The following TAFA1 variants were observed in gnomAD, a reference collection of about 807,000 sequenced individuals.
TAFA1 encodes TAFA chemokine like family member 1.
A neutral mutation model predicts 18.5 loss-of-function variants in TAFA1; 4 were observed. The ratio of observed to expected loss-of-function variants is 0.22; its 90% CI spans 0.11 to 0.49. The LOEUF (loss-of-function observed/expected upper bound fraction) is 0.49. Ranked by LOEUF, TAFA1 falls within the 20% of genes least tolerant of loss-of-function variation. The pLI is 0.98. For synonymous variants in TAFA1, 56 were observed against 55.2 expected (o/e 1.01, Z -0.06); for missense variants, 147 against 169.0 (o/e 0.87, Z 0.72).
intron 3 of TAFA1, among the ~76,000 whole-genome samples, chr3:68,445,729 C>A (rs1284779725): frequency 4.6e-5 from 7 of 152,138 alleles, no homozygotes; most frequent in Admixed American, 3.3e-4. Context: ...TTCAAAGTTT[C>A]TTCAGAGGTC....
chr3:68,423,236 C>A (rs1045749397), intron 3 of TAFA1, among the ~76,000 whole-genome samples: 2 of 151,992 alleles, frequency 1.3e-5, no homozygotes, highest in African/African-American at 4.8e-5. Flanking sequence ...GTGCTACTGT[C>A]CCAACTACTC....
chr3:68,348,587 T>C (rs2665523), intron 2 of TAFA1, among the ~76,000 whole-genome samples: 57,902 of 152,096 alleles, frequency 0.38, 11,289 homozygotes, highest in South Asian at 0.5. Flanking sequence ...ACATTTAAGC[T>C]GTAAGATCCA....
At chr3:67,999,435 T>C (rs1044754146), upstream of TAFA1, among the ~76,000 whole-genome samples, 3 of 152,170 alleles carry the variant, frequency 2.0e-5, no homozygotes, top group African/African-American at 7.2e-5. Context: ...TCCCCTTTCT[T>C]AGGTCTTCAT....
intron 2 of TAFA1, among the ~76,000 whole-genome samples, chr3:68,382,451 C>G (rs1222995992): frequency 1.3e-5 from 2 of 152,118 alleles, no homozygotes; most frequent in Non-Finnish European, 2.9e-5. Context: ...AGCCAGTTAT[C>G]CCAGCACTAT....
At chr3:68,142,568 A>T (rs2065680670) in intron 2 of TAFA1, among the ~76,000 whole-genome samples, 1 of 152,190 alleles carries the variant, frequency 6.6e-6, no homozygotes, top group South Asian at 2.1e-4. Context: ...CCACCCAGCC[A>T]TCTGTGGCAA....
At position 68,014,400 on chromosome 3, in the gene TAFA1, G is replaced by A. The variant is rs138606835; in HGVS notation, c.118+7656G>A. Among the ~76,000 whole-genome samples the A allele has an allele frequency of 2.4e-3, 369 of 152,280 alleles. 1 individual carries two copies. Among genetic ancestry groups the A allele is most frequent in the African/African-American group, 8.4e-3 (351 of 41,558 alleles). On this transcript the variant is annotated intron_variant, in intron 2 of 4. Transcript: ENST00000478136. Reference sequence around the variant, plus strand: ...TTACATTCTTTAAAATTCAAAAAGTGGTAGAAAAACATCACATTAAGCCTT... The same window carrying A: ...TTACATTCTTTAAAATTCAAAAAGTAGTAGAAAAACATCACATTAAGCCTT...
chr3:68,040,164 G>T (rs1705134574), intron 2 of TAFA1, among the ~76,000 whole-genome samples: 1 of 152,166 alleles, frequency 6.6e-6, no homozygotes, highest in African/African-American at 2.4e-5. Flanking sequence ...ATGATATTCA[G>T]ATTATTCTTT....
At chr3:68,424,086 A>G (rs192290560) in intron 3 of TAFA1, among the ~76,000 whole-genome samples, 1 of 152,178 alleles carries the variant, frequency 6.6e-6, no homozygotes, top group Admixed American at 6.6e-5. Context: ...AACAAATAAA[A>G]AAACCCTTTA....
chr3:68,429,430 G>A (rs755325799), intron 3 of TAFA1, among the ~76,000 whole-genome samples: 1 of 151,834 alleles, frequency 6.6e-6, no homozygotes, highest in Non-Finnish European at 1.5e-5. Flanking sequence ...ATTCCTTCCA[G>A]GACATGGTAG....
intron 2 of TAFA1, among the ~76,000 whole-genome samples, chr3:68,381,911 C>T (rs2069967548): frequency 6.6e-6 from 1 of 152,174 alleles, no homozygotes; most frequent in African/African-American, 2.4e-5. Flanking sequence ...GTGGGTTTGT[C>T]ATAGATAGCT....
At chr3:68,443,335 G>C (rs989784971) in intron 3 of TAFA1, among the ~76,000 whole-genome samples, 1 of 151,916 alleles carries the variant, frequency 6.6e-6, no homozygotes, top group Non-Finnish European at 1.5e-5. Context: ...TTCCCAAAAA[G>C]AGACAGCCCT....
Position 68,207,326 on chromosome 3 carries a change from A to C in TAFA1, c.118+200582A>C, listed in dbSNP as rs768677148. ...TGTTTTCCAGATTAAATGATATCAA[A>C]ATATCGTAGTTAATTGGTGCTATTT... On this transcript the variant is annotated intron_variant, in intron 2 of 4. Transcript: ENST00000478136. Among the ~76,000 whole-genome samples, 60 of 152,108 alleles carry C rather than the reference A, an allele frequency of 3.9e-4. 1 individual carries two copies. The highest frequency in any genetic ancestry group is 3.8e-3 in the Admixed American group (58 of 15,258).
chr3:68,082,022 G>A (rs2064909059), intron 2 of TAFA1, among the ~76,000 whole-genome samples: 1 of 152,276 alleles, frequency 6.6e-6, no homozygotes, highest in East Asian at 1.9e-4. Context: ...GTGGTGCGCT[G>A]TTTTTTAAGC....
intron 3 of TAFA1, among the ~76,000 whole-genome samples, chr3:68,489,219 G>C (rs776638704): frequency 2.0e-5 from 3 of 152,140 alleles, no homozygotes; most frequent in Non-Finnish European, 4.4e-5. Context: ...ACCTAGGAAG[G>C]TAAATGTAAT....
At chr3:68,257,096 T>C (rs923145903) in intron 2 of TAFA1, among the ~76,000 whole-genome samples, 3 of 152,080 alleles carry the variant, frequency 2.0e-5, no homozygotes, top group African/African-American at 7.2e-5. Flanking sequence ...TCTCTGGCCC[T>C]TGACTATATG....
chr3:68,417,143 C>G, intron 2 of TAFA1, 137 bp from the exon 3 acceptor site: 1 of 664,844 alleles, frequency 1.5e-6, no homozygotes. Flanking sequence ...GAAGAGAGTC[C>G]TGTTGTAATT....
chr3:68,182,841 T>G (rs936219293), intron 2 of TAFA1, among the ~76,000 whole-genome samples: 1 of 152,206 alleles, frequency 6.6e-6, no homozygotes, highest in Non-Finnish European at 1.5e-5. Flanking sequence ...TGTCATGTTT[T>G]ATGGATGCTG....
chr3:68,287,748 C>A (rs1451409085), intron 2 of TAFA1, among the ~76,000 whole-genome samples: 1 of 152,088 alleles, frequency 6.6e-6, no homozygotes, highest in South Asian at 2.1e-4. Flanking sequence ...ATATAAACTT[C>A]CAATTAGGGC....
At chr3:68,018,462 C>A (rs919990336) in intron 2 of TAFA1, among the ~76,000 whole-genome samples, 2 of 152,190 alleles carry the variant, frequency 1.3e-5, no homozygotes, top group Admixed American at 6.5e-5. Flanking sequence ...TTTTAACTTA[C>A]AACAAACTTA....
Sources: allele counts gnomAD v4.1 joint callset (sites outside exome capture counted in the v4.1 genomes callset), GRCh38; gene constraint gnomAD v4.1.1; transcripts MANE v1.5; gene names NCBI Gene and HGNC (gene_info 2026-07-23, HGNC 2026-07-21).